UNC13C: variants seen among roughly 807,000 people sequenced by gnomAD.
UNC13C encodes the protein protein unc-13 homolog C.
Under a neutral mutation model 245.4 loss-of-function variants are expected in UNC13C, and 174 were observed. That is an observed-to-expected ratio of 0.71 (90% CI 0.63 to 0.80). The LOEUF (loss-of-function observed/expected upper bound fraction) is 0.80, where lower values mean the gene tolerates loss of function less well. Among genes scored for constraint, UNC13C ranks in the 30% least tolerant of loss-of-function variants. The pLI, the probability that UNC13C is intolerant of heterozygous loss-of-function variation, is 0.00. For synonymous variants in UNC13C, 992 were observed against 895.1 expected, an observed-to-expected ratio of 1.11 and a Z score of -1.93; for missense variants, 2,829 against 2,602.9, an observed-to-expected ratio of 1.09 and a Z score of -1.89.
chr15:54,235,533 T>A (rs766317441), intron 5 of UNC13C, among the ~76,000 whole-genome samples: 11 of 152,220 alleles, frequency 7.2e-5, no homozygotes, highest in South Asian at 2.1e-4. Flanking sequence ...ATTAATCAAC[T>A]CTTCATTTTA....
intron 4 of UNC13C, among the ~76,000 whole-genome samples, chr15:54,145,786 T>G (rs185911957): frequency 6.6e-6 from 1 of 152,354 alleles, no homozygotes; most frequent in East Asian, 1.9e-4. Flanking sequence ...TCTATCACTT[T>G]GTAAAAATTT....
In UNC13C at chr15:54,321,995, G is replaced by A. The variant is rs745368795; in HGVS notation, c.4325G>A (p.Ser1442Asn). The A allele has an allele frequency of 1.3e-6, 2 of 1,588,550 alleles. No homozygotes were observed. Among genetic ancestry groups the A allele is most frequent in the East Asian group, 4.6e-5 (2 of 43,950 alleles). The change falls in exon 14 of 33, where the codon AGC becomes AAC. Residue 1442 changes from serine (S) to asparagine (N), a missense_variant. Transcript: ENST00000260323. ...YMCPGVPAVM[S>N]TLLANINAFY... is the part of the protein sequence containing the mutation. ...TGCCCCGGTGTCCCTGCCGTCATGA[G>A]CACCTTGCTGGCTAATATAAATGCT...
chr15:54,261,592 C>G lies in UNC13C; in HGVS notation c.3449-2576C>G, dbSNP rs567447350. The stretch of plus-strand genomic sequence containing the variant: ...GAGTCTCGCTCTGTCGCCCAGGCTG[C>G]GGTGCAGTGGCGCCATCTGGGCTCA... On this transcript the variant is annotated intron_variant, in intron 8 of 32. Transcript: ENST00000260323. Among the ~76,000 whole-genome samples, 12 of 152,244 alleles carry G rather than the reference C, an allele frequency of 7.9e-5. No individual in the cohort carries two copies. The East Asian group carries it at 2.1e-3, about 27-fold the overall frequency.
intron 4 of UNC13C, among the ~76,000 whole-genome samples, chr15:54,174,605 C>A (rs1261399420): frequency 6.6e-6 from 1 of 152,034 alleles, no homozygotes; most frequent in African/African-American, 2.4e-5. Flanking sequence ...TAGAACATAC[C>A]AAGTTCTTTG....
chr15:54,069,598 T>G (rs190976110), intron 2 of UNC13C, among the ~76,000 whole-genome samples: 1 of 152,342 alleles, frequency 6.6e-6, no homozygotes. Flanking sequence ...TTATTTTATT[T>G]CTTTGAAGCT....
At chr15:54,207,926 T>A (rs765885535) in intron 4 of UNC13C, among the ~76,000 whole-genome samples, 6 of 152,122 alleles carry the variant, frequency 3.9e-5, no homozygotes, top group Non-Finnish European at 7.3e-5. Flanking sequence ...TTCATAAGAT[T>A]TATTGTATGG....
chr15:54,477,585 G>T (rs1380117441), intron 19 of UNC13C, among the ~76,000 whole-genome samples: 6 of 114,580 alleles, frequency 5.2e-5, no homozygotes, highest in African/African-American at 1.3e-4. Context: ...TTTTGTCTTT[G>T]GTTCTGTTTA....
chr15:54,447,573 T>G (rs575115628), intron 19 of UNC13C, among the ~76,000 whole-genome samples: 69 of 152,232 alleles, frequency 4.5e-4, no homozygotes, highest in African/African-American at 1.4e-3. Context: ...GGTGTTTATA[T>G]TATTCTCTGA....
chr15:54,050,439 G>A, intron 2 of UNC13C: 1 of 553,524 alleles, frequency 1.8e-6, no homozygotes, highest in Non-Finnish European at 3.6e-6. Flanking sequence ...AGCTGACCTG[G>A]GCTTGCTGAG....
At chr15:54,463,622 A>G (rs911080609) in intron 19 of UNC13C, among the ~76,000 whole-genome samples, 5 of 152,100 alleles carry the variant, frequency 3.3e-5, no homozygotes, top group African/African-American at 4.8e-5. Context: ...CGAACCCACC[A>G]GAAGGAAGAA....
chr15:53,976,619 C>G (rs1287507631), upstream of UNC13C: 1 of 151,628 alleles, frequency 6.6e-6, no homozygotes, highest in African/African-American at 2.4e-5. Context: ...TTACAGGCAC[C>G]CGCCACCAAG....
intron 26 of UNC13C, among the ~76,000 whole-genome samples, chr15:54,539,814 G>C (rs1031086517): frequency 6.6e-6 from 1 of 151,822 alleles, no homozygotes; most frequent in African/African-American, 2.4e-5. Flanking sequence ...TATAAAACGG[G>C]GCTAATAGAT....
At chr15:53,903,505 A>G in the UNC13C span, among the ~76,000 whole-genome samples, 3 of 152,258 alleles carry the variant, frequency 2.0e-5, no homozygotes, top group African/African-American at 4.8e-5. Flanking sequence ...TTGTGACAAT[A>G]TCTCCATGTG....
intron 24 of UNC13C, among the ~76,000 whole-genome samples, chr15:54,522,076 G>A (rs898111057): frequency 6.6e-6 from 1 of 152,158 alleles, no homozygotes; most frequent in African/African-American, 2.4e-5. Flanking sequence ...AGCTACACTT[G>A]AGCGAAAATT....
At chr15:54,056,611 G>A (rs1375504199) in intron 2 of UNC13C, among the ~76,000 whole-genome samples, 2 of 151,958 alleles carry the variant, frequency 1.3e-5, no homozygotes, top group Non-Finnish European at 2.9e-5. Flanking sequence ...TACAGAGAAC[G>A]CCACAAAGAT....
chr15:54,407,887 A>G (rs901154856), intron 18 of UNC13C, among the ~76,000 whole-genome samples: 2 of 152,108 alleles, frequency 1.3e-5, no homozygotes, highest in African/African-American at 2.4e-5. Context: ...TTTTCAATGC[A>G]TGGGAATTTT....
At chr15:54,253,564 C>T (rs929798445) in intron 8 of UNC13C, among the ~76,000 whole-genome samples, 5 of 152,140 alleles carry the variant, frequency 3.3e-5, no homozygotes, top group South Asian at 4.1e-4. Context: ...AGTTCATTTG[C>T]GTCTCGTCGC....
intron 17 of UNC13C, among the ~76,000 whole-genome samples, chr15:54,339,777 T>G (rs1432669231): frequency 6.6e-6 from 1 of 152,136 alleles, no homozygotes; most frequent in Non-Finnish European, 1.5e-5. Flanking sequence ...TTTTTGTGCA[T>G]GGACTTCTTT....
At chr15:54,371,419 A>G (rs1596296340) in intron 17 of UNC13C, among the ~76,000 whole-genome samples, 3 of 152,294 alleles carry the variant, frequency 2.0e-5, no homozygotes, top group Admixed American at 6.5e-5. Flanking sequence ...CATTCTTGCC[A>G]TCAACATTGC....
Sources: allele counts gnomAD v4.1 joint callset (sites outside exome capture counted in the v4.1 genomes callset), GRCh38; gene constraint gnomAD v4.1.1; transcripts MANE v1.5; gene names NCBI Gene and HGNC (gene_info 2026-07-23, HGNC 2026-07-21).